The following CHD9 variants were observed in gnomAD, a reference collection of about 807,000 sequenced individuals.
CHD9 encodes the protein ATP-dependent chromatin remodeler CHD9.
CHD9 carries 77 observed loss-of-function variants against 316.1 expected under a neutral mutation model. The ratio of observed to expected loss-of-function variants is 0.24; its 90% confidence interval spans 0.20 to 0.29. The LOEUF is 0.29. Among genes scored for constraint, CHD9 ranks in the 10% least tolerant of loss-of-function variants. The pLI, the probability that CHD9 is intolerant of heterozygous loss-of-function variation, is 1.00. For missense variants in CHD9, 2,763 were observed against 3,438.1 expected (o/e 0.80, Z 4.91); for synonymous variants, 1,129 against 1,158.3 (o/e 0.97, Z 0.51).
intron 24 of CHD9, among the ~76,000 whole-genome samples, chr16:53,285,236 T>C (rs2053765130): frequency 6.6e-6 from 1 of 152,206 alleles, no homozygotes; most frequent in Non-Finnish European, 1.5e-5. Flanking sequence ...CGAAATGAAA[T>C]AATTGAACCA....
In CHD9 at chr16:53,157,419, C is replaced by G. The variant is rs773008370; in HGVS notation, c.1330C>G (p.Leu444Val). Residue 444 changes from leucine to valine, a missense_variant, in exon 2 of 39, where the codon CTG (leucine) becomes GTG (valine). By Grantham distance (32) the Leu-to-Val change is conservative. This residue lies in a region of CHD9 where 859 missense variants were observed against 890.4 expected (regional missense o/e 0.96). Transcript: ENST00000447540. ...HDLDRQFTSH[L>V]VTRPSDMAQT... is the part of the protein sequence containing the mutation. Reference sequence around the variant, plus strand: ...CCTTGATCGGCAGTTTACTTCGCATCTGGTAACACGGCCTTCTGATATGGC... The same window carrying G: ...CCTTGATCGGCAGTTTACTTCGCATGTGGTAACACGGCCTTCTGATATGGC... The G allele has an allele frequency of 1.4e-5, 23 of 1,613,898 alleles. No individual in the cohort carries two copies. Among genetic ancestry groups the G allele is most frequent in the Non-Finnish European group, 1.9e-5 (23 of 1,179,904 alleles).
intron 2 of CHD9, among the ~76,000 whole-genome samples, chr16:53,187,513 A>G (rs1243511868): frequency 1.3e-5 from 2 of 152,072 alleles, no homozygotes; most frequent in African/African-American, 4.8e-5. Context: ...AAGAAAAAGA[A>G]AAAAAAGTGT....
At position 53,231,500 on chromosome 16, in the gene CHD9, G is replaced by A; in HGVS notation, c.2368G>A (p.Gly790Ser). Residue 790 changes from glycine (G) to serine (S), a missense_variant, in exon 9 of 39, where the codon GGT (glycine) becomes AGT (serine). Transcript: ENST00000447540. ...EVSFCEDKDT[G>S]EPVIYYLVKW... ...CTCTTTTTGTGAAGATAAGGATACT[G>A]GTGAGGTAAATATATGGTAAAAAGA... 1 of 1,568,294 alleles carries A rather than the reference G, an allele frequency of 6.4e-7. No individual in the cohort carries two copies. Among genetic ancestry groups the A allele is most frequent in the Non-Finnish European group, 8.8e-7 (1 of 1,142,478 alleles).
At chr16:53,247,618 A>T (rs2049747154) in intron 16 of CHD9, 115 bp downstream of exon 16, 1 of 717,354 alleles carries the variant, frequency 1.4e-6, no homozygotes, top group African/African-American at 1.8e-5. Context: ...GATTAGAATA[A>T]TGCATTCAAA....
chr16:53,254,219 T>G (rs2050376214), intron 17 of CHD9, among the ~76,000 whole-genome samples: 1 of 152,114 alleles, frequency 6.6e-6, no homozygotes, highest in South Asian at 2.1e-4. Flanking sequence ...ATTTATATTC[T>G]TTGATATTTA....
Position 53,170,578 on chromosome 16 carries a change from CGTGTGTGTGT to C in CHD9, c.1452+13070_1452+13079del, listed in dbSNP as rs10593955. 4.1e-4 allele frequency among the ~76,000 whole-genome samples: 57 copies of C among 140,318 alleles called. No individual in the cohort carries two copies. The East Asian group carries it at 4.4e-3, about 11-fold the overall frequency. 92.1% of individuals were successfully genotyped at this position (140,318 alleles called of 152,430 possible). On this transcript the variant is annotated intron_variant, in intron 2 of 38. Transcript: ENST00000447540. ...GTGCAGTACTAGTATTTTGTAATTT[CGTGTGTGTGT>C]GTGTGTGTGTGTGTGTGTGTGTGTG...
At chr16:53,269,152 A>G (rs73601686) in intron 22 of CHD9, among the ~76,000 whole-genome samples, 4,925 of 152,198 alleles carry the variant, frequency 0.032, 98 homozygotes, top group Middle Eastern at 0.071. Flanking sequence ...TGGTTATGCC[A>G]ATTTACAATC....
chr16:53,077,083 G>A (rs1295149960), intron 1 of CHD9, among the ~76,000 whole-genome samples: 1 of 151,638 alleles, frequency 6.6e-6, no homozygotes, highest in Non-Finnish European at 1.5e-5. Flanking sequence ...CGCCTCCTGG[G>A]TTCAAGCAAT....
chr16:53,310,918 G>A (rs1482251708), intron 34 of CHD9: 1 of 150,732 alleles, frequency 6.6e-6, no homozygotes, highest in Non-Finnish European at 1.5e-5. Context: ...CAAGCGTGGT[G>A]GCTCACACCC....
chr16:53,183,802 T>A (rs1346162500), intron 2 of CHD9, among the ~76,000 whole-genome samples: 1 of 152,044 alleles, frequency 6.6e-6, no homozygotes, highest in Non-Finnish European at 1.5e-5. Context: ...TGCAAATACA[T>A]CTCCTTTCTG....
chr16:53,247,475 A>G lies in CHD9; in HGVS notation c.3637A>G (p.Ile1213Val), dbSNP rs982039332. The G allele has an allele frequency of 1.9e-6, 3 of 1,603,796 alleles. No homozygotes were observed. The highest frequency in any genetic ancestry group is 1.7e-5 in the Admixed American group (1 of 58,604). Residue 1213 changes from isoleucine (I) to valine (V), a missense_variant, in exon 16 of 39, where the codon ATT (isoleucine) becomes GTT (valine). By Grantham distance (29) the Ile-to-Val change is conservative. Coordinates refer to ENST00000447540, the MANE Select transcript of CHD9 (RefSeq NM_001308319.2). ...IFSQMVRCLD[I>V]LEDYLIHKRY... is the part of the protein sequence containing the mutation. ...CTCTCAAATGGTTCGTTGCCTTGACATTCTGGAGGACTATCTCATACATAA... is the reference window on the plus strand; with the variant it reads ...CTCTCAAATGGTTCGTTGCCTTGACGTTCTGGAGGACTATCTCATACATAA...
Position 53,304,363 on chromosome 16 carries a change from G to T in CHD9, c.6357G>T (p.Lys2119Asn), listed in dbSNP as rs529715485. 6.8e-6 allele frequency: 11 copies of T among 1,613,372 alleles called. No homozygotes were observed. In the South Asian group the frequency reaches 1.2e-4, roughly 18 times the overall value. The change falls in exon 31 of 39, where the codon AAG becomes AAT. Residue 2119 changes from lysine to asparagine, a missense_variant. Around this residue, in one of 15 missense-constraint regions of CHD9, gnomAD observed 663 missense variants for 751.2 expected, o/e 0.88. Coordinates refer to ENST00000447540, the MANE Select transcript of CHD9 (RefSeq NM_001308319.2). ...CCCTAACTCCAAACCCAGCTTCTAA[G>T]AAACCAAGAGTCCACAAAAGGGGAT... is the stretch of plus-strand genomic sequence containing the variant. The part of the protein sequence containing the change: ...TEPLTPNPAS[K>N]KPRVHKRGSE...
chr16:53,181,691 T>C (rs143383425), intron 2 of CHD9, among the ~76,000 whole-genome samples: 181 of 152,314 alleles, frequency 1.2e-3, no homozygotes, highest in Middle Eastern at 6.8e-3. Context: ...CAACATGATA[T>C]TGAATGAGTT....
intron 24 of CHD9, among the ~76,000 whole-genome samples, chr16:53,277,025 G>T (rs1205328428): frequency 6.6e-6 from 1 of 152,010 alleles, no homozygotes; most frequent in African/African-American, 2.4e-5. Flanking sequence ...ATGAATTTCT[G>T]GAAAGATACA....
At chr16:53,258,405 C>T (rs2050787746) in intron 19 of CHD9, among the ~76,000 whole-genome samples, 1 of 152,080 alleles carries the variant, frequency 6.6e-6, no homozygotes, top group Admixed American at 6.6e-5. Flanking sequence ...TACCACAATG[C>T]TGAGGAGAGT....
At chr16:53,083,893 A>G (rs1033909215) in intron 1 of CHD9, among the ~76,000 whole-genome samples, 2 of 152,006 alleles carry the variant, frequency 1.3e-5, no homozygotes, top group Admixed American at 1.3e-4. Context: ...TAGGACTACA[A>G]GTGTGCATCA....
At chr16:53,056,077 G>C (rs2152487871) in intron 1 of CHD9, among the ~76,000 whole-genome samples, 1 of 152,284 alleles carries the variant, frequency 6.6e-6, no homozygotes, top group Non-Finnish European at 1.5e-5. Context: ...GTTTTATAGA[G>C]ATAGGGCCTC....
At chr16:53,082,422 G>A (rs532388115) in intron 1 of CHD9, among the ~76,000 whole-genome samples, 1 of 152,070 alleles carries the variant, frequency 6.6e-6, no homozygotes, top group East Asian at 1.9e-4. Flanking sequence ...ATTTCTTTGG[G>A]TAAAGACAGG....
chr16:53,257,018 GA>G (rs989205919), intron 19 of CHD9, among the ~76,000 whole-genome samples: 7 of 151,644 alleles, frequency 4.6e-5, no homozygotes, highest in African/African-American at 9.7e-5. Context: ...TATAGTTGCT[GA>G]AAAAAAATAA....
Sources: allele counts gnomAD v4.1 joint callset (sites outside exome capture counted in the v4.1 genomes callset), GRCh38; gene constraint gnomAD v4.1.1; regional missense constraint gnomAD v4.1.1; transcripts MANE v1.5; gene names NCBI Gene and HGNC (gene_info 2026-07-23, HGNC 2026-07-21).